IDO2: variants seen among roughly 807,000 people sequenced by gnomAD.
The protein encoded by IDO2 is indoleamine 2,3-dioxygenase 2.
IDO2 carries 46 observed loss-of-function variants against 45.1 expected under a neutral mutation model. The ratio of observed to expected loss-of-function variants is 1.02; its 90% CI spans 0.80 to 1.30. The LOEUF is 1.30. Ranked by LOEUF, IDO2 falls within the 50% of genes most tolerant of loss-of-function variation. The probability of loss-of-function intolerance (pLI) is 0.00; values close to 1 mark genes in which losing one functional copy is unlikely to be tolerated. For synonymous variants in IDO2, 218 were observed against 184.9 expected, an observed-to-expected ratio of 1.18 and a Z score of -1.45; for missense variants, 544 against 491.8, an observed-to-expected ratio of 1.11 and a Z score of -1.00.
chr8:39,967,332 T>C (rs1260557117), intron 3 of IDO2, among the ~76,000 whole-genome samples: 1 of 151,910 alleles, frequency 6.6e-6, no homozygotes, highest in Non-Finnish European at 1.5e-5. Flanking sequence ...AGTGTTGGGG[T>C]GAGGGTTGGG....
chr8:39,942,686 A>T (rs149249884), intron 1 of IDO2, among the ~76,000 whole-genome samples: 4 of 152,334 alleles, frequency 2.6e-5, no homozygotes, highest in Non-Finnish European at 4.4e-5. Flanking sequence ...ACTAAGAGGC[A>T]TCAAATCAGG....
intron 3 of IDO2, among the ~76,000 whole-genome samples, chr8:39,978,777 T>G (rs1480623000): frequency 6.6e-6 from 1 of 152,010 alleles, no homozygotes; most frequent in Non-Finnish European, 1.5e-5. Context: ...AGCCAAGCAG[T>G]GGCTTCAGGG....
chr8:40,016,272 A>G (rs1802386543), exon 11 of IDO2: 1 of 398,138 alleles, frequency 2.5e-6, no homozygotes, highest in Admixed American at 4.4e-5. Flanking sequence ...CTCTCTTCTT[A>G]CTCTGAAAAT....
Position 39,995,259 on chromosome 8 carries a change from TTCTTCC to T in IDO2, c.667+5427_667+5432del, listed in dbSNP as rs1563438315. 2.3e-3 allele frequency: 244 copies of T among 106,504 alleles called. 9 individuals carry two copies. The highest frequency in any genetic ancestry group is 5.8e-3 in the East Asian group (26 of 4,490). The allele number at this position is 106,504 out of a possible 1,614,324, so 6.6% of individuals were successfully genotyped here. On this transcript the variant is annotated intron_variant, in intron 8 of 10. Coordinates refer to ENST00000502986, the Ensembl canonical transcript of IDO2. ...CTTCTCCTTCTCCTTCTCCTTCTTC[TTCTTCC>T]TCTTCTTCTTCTTCTTCTTCTTCTT... is the stretch of plus-strand genomic sequence containing the variant.
intron 1 of IDO2, among the ~76,000 whole-genome samples, chr8:39,938,679 A>G (rs1290880191): frequency 6.6e-6 from 1 of 152,228 alleles, no homozygotes. Context: ...AAATATTTGC[A>G]AAAGACATAT....
At chr8:40,000,676 C>T (rs963222342) in intron 8 of IDO2, among the ~76,000 whole-genome samples, 12 of 133,788 alleles carry the variant, frequency 9.0e-5, no homozygotes, top group African/African-American at 3.2e-4. Context: ...AATGTCATTA[C>T]ATATATTCAT....
chr8:39,988,463 G>T (rs950560155), intron 7 of IDO2, among the ~76,000 whole-genome samples: 1 of 152,278 alleles, frequency 6.6e-6, no homozygotes, highest in East Asian at 1.9e-4. Flanking sequence ...TTCTGCCTTC[G>T]CTCTGTCGCT....
intron 8 of IDO2, among the ~76,000 whole-genome samples, chr8:40,004,609 G>C (rs1362704897): frequency 6.6e-6 from 1 of 151,968 alleles, no homozygotes; most frequent in Non-Finnish European, 1.5e-5. Flanking sequence ...CAGAGACACA[G>C]TGATCTCAGT....
exon 10 of IDO2, chr8:40,013,611 G>C: frequency 6.2e-7 from 1 of 1,613,880 alleles, no homozygotes; most frequent in Non-Finnish European, 8.5e-7. Flanking sequence ...GTATGAAGGA[G>C]TTTCCCAAGA....
rs763234072 is a variant in IDO2, at chr8:39,979,145, A to G, written c.274A>G (p.Met92Val). The change falls in exon 4 of 11, where the codon ATG (methionine) becomes GTG (valine). Residue 92 changes from methionine to valine, a missense_variant. Transcript: ENST00000502986. Reference sequence around the variant, plus strand: ...CCACCTGGTCCTGAGCTTCCTCACCATGGGTTATGTCTGGCAGGAAGGAGA... The same window carrying G: ...CCACCTGGTCCTGAGCTTCCTCACCGTGGGTTATGTCTGGCAGGAAGGAGA... The G allele has an allele frequency of 3.7e-6, 6 of 1,602,104 alleles. No individual in the cohort carries two copies. The Admixed American group carries it at 6.9e-5, about 18-fold the overall frequency.
At position 40,005,362 on chromosome 8, in the gene IDO2, C is replaced by T. The variant is rs10109853; in HGVS notation, c.703C>T (p.Arg235Trp). 771,238 of 1,553,334 alleles carry T rather than the reference C, an allele frequency of 0.5. 195,804 individuals are homozygous for T. The highest frequency in any genetic ancestry group is 0.53 in the South Asian group (42,753 of 80,774). Residue 235 changes from arginine (R) to tryptophan (W), a missense_variant, in exon 9 of 11, where the codon CGG (arginine) becomes TGG (tryptophan). Transcript: ENST00000502986. Reference sequence around the variant, plus strand: ...TCCAGACATATTTTATGCAGGCATCCGGATCTTTCTCTCTGGGTAAGTATA... The same window carrying T: ...TCCAGACATATTTTATGCAGGCATCTGGATCTTTCTCTCTGGGTAAGTATA...
intron 5 of IDO2, among the ~76,000 whole-genome samples, chr8:39,983,439 A>G (rs908938913): frequency 6.6e-6 from 1 of 152,220 alleles, no homozygotes; most frequent in African/African-American, 2.4e-5. Flanking sequence ...GTGGCTGACT[A>G]CAACAGCTGA....
exon 8 of IDO2, chr8:39,989,799 T>C (rs1316021876): frequency 1.9e-6 from 3 of 1,604,024 alleles, no homozygotes; most frequent in Admixed American, 1.7e-5. Flanking sequence ...ACTGAGACTG[T>C]CTATTCAGGA....
chr8:39,995,721 C>T (rs1802032381), intron 8 of IDO2, among the ~76,000 whole-genome samples: 6 of 152,092 alleles, frequency 3.9e-5, no homozygotes, highest in Admixed American at 3.9e-4. Flanking sequence ...CTCTTTATTC[C>T]AGTATTATAA....
intron 3 of IDO2, among the ~76,000 whole-genome samples, chr8:39,965,261 G>C (rs755541362): frequency 6.6e-6 from 1 of 152,166 alleles, no homozygotes; most frequent in African/African-American, 2.4e-5. Flanking sequence ...CAAGGCTGGC[G>C]GATTGCCTGA....
At chr8:39,935,795 A>G (rs985735191) in intron 1 of IDO2, among the ~76,000 whole-genome samples, 2 of 152,206 alleles carry the variant, frequency 1.3e-5, no homozygotes, top group Non-Finnish European at 2.9e-5. Flanking sequence ...ACAGTCAAGA[A>G]CACCACATAA....
At chr8:39,935,242 T>C in intron 1 of IDO2, 24 bp downstream of exon 1, 1 of 1,595,618 alleles carries the variant, frequency 6.3e-7, no homozygotes, top group East Asian at 2.2e-5. Context: ...TAACTTCTTT[T>C]CTAACCTCGT....
intron 9 of IDO2, 57 bp downstream of exon 9, chr8:40,005,435 A>T: frequency 8.7e-7 from 1 of 1,145,158 alleles, no homozygotes; most frequent in Non-Finnish European, 1.2e-6. Flanking sequence ...GACTGAATGT[A>T]TAAGGGGACG....
chr8:39,979,401 C>A (rs1808309194), intron 4 of IDO2, among the ~76,000 whole-genome samples: 1 of 152,300 alleles, frequency 6.6e-6, no homozygotes, highest in African/African-American at 2.4e-5. Flanking sequence ...GTCACTCAGG[C>A]TGGAGGGCAG....
Sources: gnomAD v4.1 joint callset for allele counts (sites outside exome capture counted in the v4.1 genomes callset) on GRCh38, gnomAD v4.1.1 for gene constraint, MANE v1.5 for transcripts, NCBI Gene and HGNC (gene_info 2026-07-23, HGNC 2026-07-21) for gene names.